Variants in XKR5 observed in about 807,000 individuals in gnomAD.
XKR5 encodes XK-related protein 5.
XKR5 carries 46 observed loss-of-function variants against 40.8 expected under a neutral mutation model. The observed-to-expected ratio is 1.13, with a 90% CI of 0.89 to 1.44. XKR5 has a LOEUF of 1.44. Among genes scored for constraint, XKR5 ranks in the 40% most tolerant of loss-of-function variants. The pLI is 0.00. For missense variants in XKR5, 1,169 were observed against 844.7 expected (o/e 1.38, Z -4.76); for synonymous variants, 466 against 356.1 (o/e 1.31, Z -3.48).
At chr8:6,814,537 T>C (rs1217564342) in intron 6 of XKR5, among the ~76,000 whole-genome samples, 1 of 152,194 alleles carries the variant, frequency 6.6e-6, no homozygotes, top group Non-Finnish European at 1.5e-5. Flanking sequence ...GGGTTCTCCC[T>C]GCACCTCGAC....
rs747562500 is a variant in XKR5, at chr8:6,832,853, C to G, written c.106G>C (p.Gly36Arg). 6.2e-7 allele frequency: 1 copy of G among 1,610,354 alleles called. No individual in the cohort carries two copies. Among genetic ancestry groups the G allele is most frequent in the South Asian group, 1.1e-5 (1 of 90,220 alleles). ...AGGAGGACAGCAAGGGCCAGCCACC[C>G]CCACAGAAGCCGTCCTGTGGTGAAG... The part of the protein sequence containing the change: ...YYFTTGRLLW[G>R]WLALAVLLPG... Residue 36 changes from glycine to arginine, a missense_variant, in exon 2 of 7, where the codon GGG (glycine) becomes CGG (arginine). Gly to Arg is a moderately radical substitution (Grantham distance 125, BLOSUM62 -2). Transcript: ENST00000618742.
Position 6,811,827 on chromosome 8 carries a change from C to G in XKR5, c.1432G>C (p.Glu478Gln), listed in dbSNP as rs1803711830. The change falls in exon 7 of 7, where the codon GAG (glutamate) becomes CAG (glutamine). Residue 478 changes from glutamate (E) to glutamine (Q), a missense_variant. Physicochemically the swap from Glu to Gln is conservative, Grantham distance 29. Transcript: ENST00000618742. ...CTTGAGGTTTCCAATGGGTCGGCCT[C>G]TGCTTTAGGGACACCTTCAAACGCA... ...SSAFEGVPKAEADPLETSSYV... is the reference protein window; with the variant it reads ...SSAFEGVPKAQADPLETSSYV... 1 of 1,537,672 alleles carries G rather than the reference C, an allele frequency of 6.5e-7. No homozygotes were observed. Among genetic ancestry groups the G allele is most frequent in the Non-Finnish European group, 8.7e-7 (1 of 1,147,012 alleles).
At chr8:6,834,632 C>T (rs540263598) in intron 1 of XKR5, among the ~76,000 whole-genome samples, 1 of 152,216 alleles carries the variant, frequency 6.6e-6, no homozygotes, top group Admixed American at 6.5e-5. Context: ...CGCCCGCGAA[C>T]TCAGGGAAAA....
chr8:6,813,286 C>A (rs1275274822), intron 6 of XKR5, among the ~76,000 whole-genome samples: 10 of 152,326 alleles, frequency 6.6e-5, no homozygotes, highest in Admixed American at 2.0e-4. Flanking sequence ...TCCTGCTCAG[C>A]CAGTTTCTGC....
intron 2 of XKR5, among the ~76,000 whole-genome samples, chr8:6,827,981 T>C (rs1804592406): frequency 2.6e-5 from 4 of 151,706 alleles, no homozygotes; most frequent in Admixed American, 2.6e-4. Context: ...GATGGGAGGA[T>C]CACTTGAGCC....
chr8:6,827,256 C>T (rs1258330633), intron 2 of XKR5, among the ~76,000 whole-genome samples: 1 of 152,178 alleles, frequency 6.6e-6, no homozygotes, highest in Non-Finnish European at 1.5e-5. Flanking sequence ...GAGCCTGCTG[C>T]CCAGCAAACC....
intron 5 of XKR5, among the ~76,000 whole-genome samples, chr8:6,816,207 G>C (rs1019886542): frequency 1.1e-4 from 16 of 152,154 alleles, no homozygotes; most frequent in African/African-American, 3.6e-4. Context: ...CCTTTAGAGA[G>C]TCATTATGGG....
At chr8:6,822,369 T>G (rs900678154) in intron 4 of XKR5, among the ~76,000 whole-genome samples, 2 of 152,224 alleles carry the variant, frequency 1.3e-5, no homozygotes, top group African/African-American at 4.8e-5. Flanking sequence ...TAAAACTGAC[T>G]GCCAATTATT....
At position 6,811,189 on chromosome 8, in the gene XKR5, T is replaced by G; in HGVS notation, c.*9A>C. 1 of 1,530,882 alleles carries G rather than the reference T, an allele frequency of 6.5e-7. No homozygotes were observed. Among genetic ancestry groups the G allele is most frequent in the African/African-American group, 1.4e-5 (1 of 73,030 alleles). 94.8% of individuals were successfully genotyped at this position (1,530,882 alleles called of 1,614,324 possible). On this transcript the variant is annotated 3_prime_UTR_variant, in exon 7 of 7. Coordinates refer to ENST00000618742, the MANE Select transcript of XKR5 (RefSeq NM_207411.5). ...GTCAGCCTGTTGTCTTATCCCACCA[T>G]GACTGTGGTCAGATGAAAAAACTCG...
rs549801610 is a variant in XKR5, at chr8:6,834,289, C to T, written c.58+1147G>A. On this transcript the variant is annotated intron_variant, in intron 1 of 6. Transcript: ENST00000618742. ...GCGGATTTTAGGGAAACTGGGAAAA[C>T]TGCCCTGAGGTACAGCTGCAGACGC... is the stretch of plus-strand genomic sequence containing the variant. Among the ~76,000 whole-genome samples, 12 of 152,376 alleles carry T rather than the reference C, an allele frequency of 7.9e-5. No individual in the cohort carries two copies. The South Asian group carries it at 2.5e-3, about 32-fold the overall frequency.
At chr8:6,832,014 C>CA (rs34490284) in intron 2 of XKR5, among the ~76,000 whole-genome samples, 18,853 of 44,888 alleles carry the variant, frequency 0.42, 2,625 homozygotes, top group South Asian at 0.46. Context: ...GACTCCATCT[C>CA]AAAAAAAAAA....
rs185761632 is a variant in XKR5 at position 6,811,419 on chromosome 8, C to T, written c.1840G>A (p.Ala614Thr). ...CTGAGGGTTCTTCCAGGGAAGCCTG[C>T]ACTGGGGCAGAAGCCTCTACATGGG... The part of the protein sequence containing the change: ...TGPCRGFCPS[A>T]GFPGRTLSIS... The change falls in exon 7 of 7, where the codon GCA (alanine) becomes ACA (threonine). Residue 614 changes from alanine to threonine, a missense_variant. Physicochemically the swap from Ala to Thr is moderately conservative, Grantham distance 58. Transcript: ENST00000618742. 6.5e-4 allele frequency: 995 copies of T among 1,537,104 alleles called. 9 individuals carry two copies. The highest frequency in any genetic ancestry group is 1.2e-4 in the Non-Finnish European group (138 of 1,146,820).
chr8:6,811,951 CCA>C lies in XKR5; in HGVS notation c.1306_1307del (p.Trp436GlyfsTer25). ...DNSPAYCPPAWGLSQQDYLQR... is the reference protein window; with the variant it reads ...DNSPAYCPPAXGLSQQDYLQR... ...GCAGGTAGTCCTGTTGACTCAACCC[CCA>C]TGCAGGTGGACAATAGGCAGGACTG... On this transcript the variant is annotated frameshift_variant, in exon 7 of 7. Transcript: ENST00000618742. LOFTEE classifies it low-confidence loss of function (END_TRUNC). 1 of 1,537,308 alleles carries C rather than the reference CCA, an allele frequency of 6.5e-7. No individual in the cohort carries two copies. Among genetic ancestry groups the C allele is most frequent in the Non-Finnish European group, 8.7e-7 (1 of 1,146,942 alleles).
intron 5 of XKR5, among the ~76,000 whole-genome samples, chr8:6,817,745 T>C (rs922222474): frequency 5.3e-5 from 8 of 152,224 alleles, no homozygotes; most frequent in African/African-American, 1.9e-4. Flanking sequence ...CTCTGAGATA[T>C]ACATCCTCTA....
intron 3 of XKR5, among the ~76,000 whole-genome samples, chr8:6,824,001 G>C (rs1804355224): frequency 6.6e-6 from 1 of 152,188 alleles, no homozygotes; most frequent in African/African-American, 2.4e-5. Context: ...CAGCAAATGG[G>C]CTGGACTCTT....
chr8:6,823,269 G>C (rs1459577821), intron 4 of XKR5, among the ~76,000 whole-genome samples: 1 of 152,190 alleles, frequency 6.6e-6, no homozygotes, highest in Non-Finnish European at 1.5e-5. Context: ...TGTTTTTATA[G>C]AAGACTAGCA....
At chr8:6,828,966 C>T (rs752968949) in intron 2 of XKR5, among the ~76,000 whole-genome samples, 10 of 152,200 alleles carry the variant, frequency 6.6e-5, no homozygotes, top group African/African-American at 9.6e-5. Flanking sequence ...TTCTGGCACG[C>T]ATCTATGTCT....
At chr8:6,815,022 C>A (rs9772895) in intron 6 of XKR5, among the ~76,000 whole-genome samples, 3,775 of 152,308 alleles carry the variant, frequency 0.025, 155 homozygotes, top group African/African-American at 0.086. Context: ...GGAGTTGTTG[C>A]AGAGGACTGG....
chr8:6,833,242 A>G (rs1324939229), intron 1 of XKR5, among the ~76,000 whole-genome samples: 1 of 152,210 alleles, frequency 6.6e-6, no homozygotes, highest in Non-Finnish European at 1.5e-5. Context: ...AGCCACAGAA[A>G]TTATTCAAAG....
Sources: gnomAD v4.1 joint callset for allele counts (sites outside exome capture counted in the v4.1 genomes callset) on GRCh38, gnomAD v4.1.1 for gene constraint, MANE v1.5 for transcripts, NCBI Gene and HGNC (gene_info 2026-07-23, HGNC 2026-07-21) for gene names.